MYO5A: variants seen among roughly 807,000 people sequenced by gnomAD.
The protein encoded by MYO5A is unconventional myosin-Va.
Under a neutral mutation model 249.7 loss-of-function variants are expected in MYO5A, and 98 were observed. The ratio of observed to expected loss-of-function variants is 0.39; its 90% CI spans 0.33 to 0.46. The LOEUF (loss-of-function observed/expected upper bound fraction) is 0.46, where lower values mean the gene tolerates loss of function less well. MYO5A is among the 20% of genes least tolerant of loss of function. The pLI is 0.98. For synonymous variants in MYO5A, 778 were observed against 810.6 expected (o/e 0.96, Z 0.68); for missense variants, 1,696 against 2,308.8 (o/e 0.73, Z 5.44).
intron 1 of MYO5A, among the ~76,000 whole-genome samples, chr15:52,475,722 T>C (rs569241070): frequency 7.2e-4 from 109 of 152,308 alleles, no homozygotes; most frequent in African/African-American, 2.4e-3. Flanking sequence ...TAATCCTGAG[T>C]TCTAGTTTGA....
Position 52,384,301 on chromosome 15 carries a change from A to G in MYO5A, c.1774T>C (p.Phe592Leu), listed in dbSNP as rs771220127. 6.2e-7 allele frequency: 1 copy of G among 1,614,222 alleles called. No individual in the cohort carries two copies. Among genetic ancestry groups the G allele is most frequent in the Admixed American group, 1.7e-5 (1 of 60,036 alleles). ...CTGATGGCCTTCTCATCATCTTGAAATAGTTCTGGTAGCATCTTAAACTAA... is the reference window on the plus strand; with the variant it reads ...CTGATGGCCTTCTCATCATCTTGAAGTAGTTCTGGTAGCATCTTAAACTAA... ...SSKFKMLPELFQDDEKAISPT... is the reference protein window; with the variant it reads ...SSKFKMLPELLQDDEKAISPT... The change falls in exon 15 of 42, where the codon TTT becomes CTT. Residue 592 changes from phenylalanine to leucine, a missense_variant. This residue lies in a region of MYO5A where 277 missense variants were observed against 422.4 expected (regional missense o/e 0.66). Coordinates refer to ENST00000399233, the MANE Select transcript of MYO5A (RefSeq NM_001382347.1).
At chr15:52,316,233 CAAAAAAAAAAAA>C (rs5812596) in intron 40 of MYO5A, among the ~76,000 whole-genome samples, 71 of 60,368 alleles carry the variant, frequency 1.2e-3, no homozygotes, top group African/African-American at 4.1e-3. Context: ...GACTCCGTCA[CAAAAAAAAAAAA>C]AAAAAAAAAA....
chr15:52,337,837 A>G lies in MYO5A; in HGVS notation c.4287T>C (p.Tyr1429=). The change falls in exon 33 of 42, where the codon TAT becomes TAC. Residue 1429 remains tyrosine (Y), a synonymous_variant. Coordinates refer to ENST00000399233, the MANE Select transcript of MYO5A (RefSeq NM_001382347.1). Reference sequence around the variant, plus strand: ...TCATCCGTTTGTAAAGGGAAATCCGATATGATTGATACTTCTTAGGGTCAT... The same window carrying G: ...TCATCCGTTTGTAAAGGGAAATCCGGTATGATTGATACTTCTTAGGGTCAT... ...YADDPKKYQS[Y]RISLYKRMID... 1.9e-5 allele frequency: 29 copies of G among 1,544,698 alleles called. No homozygotes were observed. Among genetic ancestry groups the G allele is most frequent in the Non-Finnish European group, 2.4e-5 (28 of 1,142,882 alleles).
At chr15:52,433,886 T>C (rs948190100) in intron 1 of MYO5A, among the ~76,000 whole-genome samples, 1 of 152,218 alleles carries the variant, frequency 6.6e-6, no homozygotes, top group Non-Finnish European at 1.5e-5. Context: ...GGTTAAAATG[T>C]ACACATAAGA....
chr15:52,487,459 C>T (rs2141521332), intron 1 of MYO5A, among the ~76,000 whole-genome samples: 1 of 151,854 alleles, frequency 6.6e-6, no homozygotes, highest in South Asian at 2.1e-4. Flanking sequence ...TATGGTGGCT[C>T]ACAACTATAA....
chr15:52,524,097 C>T (rs2077681502), intron 1 of MYO5A, among the ~76,000 whole-genome samples: 1 of 152,190 alleles, frequency 6.6e-6, no homozygotes, highest in African/African-American at 2.4e-5. Context: ...AGAGCTGTTT[C>T]ATCTAGGCAA....
intron 1 of MYO5A, among the ~76,000 whole-genome samples, chr15:52,444,231 T>C (rs1446214854): frequency 6.6e-6 from 1 of 152,224 alleles, no homozygotes; most frequent in African/African-American, 2.4e-5. Flanking sequence ...AGATCTCACT[T>C]CTTAAGAACA....
chr15:52,351,570 C>A, intron 27 of MYO5A, 89 bp from the exon 28 acceptor site: 1 of 1,330,448 alleles, frequency 7.5e-7, no homozygotes, highest in Non-Finnish European at 1.1e-6. Flanking sequence ...TAGAAGAATT[C>A]TGCTGAAAAA....
intron 1 of MYO5A, among the ~76,000 whole-genome samples, chr15:52,521,486 A>C (rs2077619241): frequency 6.6e-6 from 1 of 152,180 alleles, no homozygotes; most frequent in African/African-American, 2.4e-5. Context: ...TTGTGCATCC[A>C]GTCTCCCTCT....
intron 1 of MYO5A, among the ~76,000 whole-genome samples, chr15:52,453,079 T>C (rs976653973): frequency 6.6e-6 from 1 of 152,100 alleles, no homozygotes; most frequent in East Asian, 1.9e-4. Flanking sequence ...AGGAAGGTCA[T>C]AGAATACCAC....
rs1317232959 is a variant in MYO5A, at chr15:52,425,916, A to T, written c.369T>A (p.Ile123=). ...YEQLPIYGED[I]INAYSGQNMG... Reference sequence around the variant, plus strand: ...TGTTCTGACCACTGTATGCATTAATAATATCTTCTCCATAAATAGGCAGCT... The same window carrying T: ...TGTTCTGACCACTGTATGCATTAATTATATCTTCTCCATAAATAGGCAGCT... Residue 123 remains isoleucine, a synonymous_variant, in exon 4 of 42, where the codon ATT becomes ATA. Coordinates refer to ENST00000399233, the MANE Select transcript of MYO5A (RefSeq NM_001382347.1). 3 of 1,613,046 alleles carry T rather than the reference A, an allele frequency of 1.9e-6. No homozygotes were observed. The highest frequency in any genetic ancestry group is 2.5e-6 in the Non-Finnish European group (3 of 1,179,174).
At chr15:52,478,170 TAGCAGTGAGCA>T in intron 1 of MYO5A, among the ~76,000 whole-genome samples, 1 of 152,344 alleles carries the variant, frequency 6.6e-6, no homozygotes. Context: ...ACTGCTGTGC[TAGCAGTGAGCA>T]AGGCTCTATG....
chr15:52,364,405 G>T, intron 24 of MYO5A, 149 bp downstream of exon 24: 1 of 677,640 alleles, frequency 1.5e-6, no homozygotes, highest in Non-Finnish European at 2.5e-6. Flanking sequence ...GTGGGTTGGG[G>T]AGATGGAATG....
intron 5 of MYO5A, among the ~76,000 whole-genome samples, chr15:52,413,869 T>C (rs951618875): frequency 2.0e-5 from 3 of 152,184 alleles, no homozygotes; most frequent in African/African-American, 7.2e-5. Flanking sequence ...GCATAGCTGA[T>C]CCCTTTATCT....
At chr15:52,321,792 TAAAA>T (rs71875115) in intron 37 of MYO5A, among the ~76,000 whole-genome samples, 131 of 92,866 alleles carry the variant, frequency 1.4e-3, no homozygotes, top group South Asian at 2.6e-3. Context: ...GGAACTTAAC[TAAAA>T]AAAAAAAAAA....
rs528354860 is a variant in MYO5A at position 52,365,271 on chromosome 15, C to T, written c.3161-569G>A. ...CCAGCTTCTAACCAGATAAAATGCT[C>T]GGGCCTGGCCAGCTGTGTTGTGTGC... On this transcript the variant is annotated intron_variant, in intron 23 of 41. Transcript: ENST00000399233. Among the ~76,000 whole-genome samples, 4 of 152,310 alleles carry T rather than the reference C, an allele frequency of 2.6e-5. No individual in the cohort carries two copies. The South Asian group carries it at 6.2e-4, about 24-fold the overall frequency.
chr15:52,471,349 A>T (rs1185813723), intron 1 of MYO5A, among the ~76,000 whole-genome samples: 1 of 152,118 alleles, frequency 6.6e-6, no homozygotes, highest in South Asian at 2.1e-4. Context: ...CACGCCTGTA[A>T]TCCCAGCACT....
At chr15:52,413,700 C>T (rs1251215607) in intron 5 of MYO5A, among the ~76,000 whole-genome samples, 2 of 152,178 alleles carry the variant, frequency 1.3e-5, no homozygotes, top group Non-Finnish European at 2.9e-5. Context: ...TGATCTTCAG[C>T]TCCATATCAC....
rs191320437 is a variant in MYO5A, at chr15:52,319,903, G to A, written c.4952-561C>T. Among the ~76,000 whole-genome samples the A allele has an allele frequency of 2.9e-3, 435 of 152,340 alleles. 1 individual carries two copies. The highest frequency in any genetic ancestry group is 4.6e-3 in the South Asian group (22 of 4,822). On this transcript the variant is annotated intron_variant, in intron 38 of 41. Transcript: ENST00000399233. ...CTAAAATAAGAAGCGTTAAGAAGCAGTAGCCTTGTGATAGAACAAGTGTGT... is the reference window on the plus strand; with the variant it reads ...CTAAAATAAGAAGCGTTAAGAAGCAATAGCCTTGTGATAGAACAAGTGTGT...
Sources: gnomAD v4.1 joint callset for allele counts (sites outside exome capture counted in the v4.1 genomes callset) on GRCh38, gnomAD v4.1.1 for gene constraint, gnomAD v4.1.1 regional missense constraint, MANE v1.5 for transcripts, NCBI Gene and HGNC (gene_info 2026-07-23, HGNC 2026-07-21) for gene names.